The following RBFOX1 variants were observed in gnomAD, a reference collection of about 807,000 sequenced individuals.
RBFOX1 encodes the protein RNA binding fox-1 homolog 1, also known as RNA binding protein fox-1 homolog 1.
Under a neutral mutation model 57.7 loss-of-function variants are expected in RBFOX1, and 8 were observed. The observed-to-expected ratio is 0.14, with a 90% confidence interval of 0.08 to 0.25. The LOEUF (loss-of-function observed/expected upper bound fraction) is 0.25, where lower values mean the gene tolerates loss of function less well. Among genes scored for constraint, RBFOX1 ranks in the 10% least tolerant of loss-of-function variants. The pLI is 1.00. For missense variants in RBFOX1, 611 were observed against 548.5 expected (o/e 1.11, Z -1.14); for synonymous variants, 326 against 222.4 (o/e 1.47, Z -4.15).
chr16:5,926,713 T>C (rs2058947705), intron 4 of RBFOX1, among the ~76,000 whole-genome samples: 2 of 152,226 alleles, frequency 1.3e-5, no homozygotes, highest in Admixed American at 6.5e-5. Flanking sequence ...TTTTTACCCA[T>C]TGGGTGGATT....
chr16:7,228,054 C>G (rs969714194), intron 4 of RBFOX1, among the ~76,000 whole-genome samples: 2 of 152,086 alleles, frequency 1.3e-5, no homozygotes, highest in Non-Finnish European at 2.9e-5. Context: ...CCGACTTTCT[C>G]CTGATACTGC....
chr16:6,747,091 A>G (rs1272839453), intron 3 of RBFOX1, among the ~76,000 whole-genome samples: 1 of 152,140 alleles, frequency 6.6e-6, no homozygotes, highest in Non-Finnish European at 1.5e-5. Context: ...TCCCTATACC[A>G]TGCCAAATGG....
At chr16:5,762,028 G>T in intron 3 of RBFOX1, among the ~76,000 whole-genome samples, 1 of 152,122 alleles carries the variant, frequency 6.6e-6, no homozygotes. Flanking sequence ...ACTTCTCCGA[G>T]CAGCAATATC....
chr16:5,752,342 C>A (rs577175912), intron 3 of RBFOX1, among the ~76,000 whole-genome samples: 1 of 152,140 alleles, frequency 6.6e-6, no homozygotes, highest in African/African-American at 2.4e-5. Context: ...AGGCTTCATA[C>A]CTGGGTGATG....
At chr16:6,618,321 T>G (rs186521328) in intron 2 of RBFOX1, among the ~76,000 whole-genome samples, 1 of 152,302 alleles carries the variant, frequency 6.6e-6, no homozygotes, top group African/African-American at 2.4e-5. Flanking sequence ...GAACACTTAC[T>G]TAAAACGCAG....
At chr16:7,377,562 G>C (rs1320254097) in intron 4 of RBFOX1, among the ~76,000 whole-genome samples, 1 of 152,132 alleles carries the variant, frequency 6.6e-6, no homozygotes, top group Non-Finnish European at 1.5e-5. Flanking sequence ...TATTTGCAGG[G>C]CAGGAAAAAA....
intron 3 of RBFOX1, among the ~76,000 whole-genome samples, chr16:5,819,870 C>G (rs1191259861): frequency 2.0e-5 from 3 of 152,240 alleles, no homozygotes; most frequent in Non-Finnish European, 4.4e-5. Flanking sequence ...CTTTGTACCT[C>G]AAGTGCCCTG....
At chr16:5,567,143 C>T (rs576888448) in intron 2 of RBFOX1, among the ~76,000 whole-genome samples, 11 of 152,240 alleles carry the variant, frequency 7.2e-5, no homozygotes, top group Admixed American at 2.6e-4. Context: ...TGTGAACAAC[C>T]GAGGGAAACA....
At position 6,858,083 on chromosome 16, in the gene RBFOX1, G is replaced by A. The variant is rs1487084643; in HGVS notation, c.-15-193974G>A. 2.0e-5 allele frequency among the ~76,000 whole-genome samples: 3 copies of A among 152,210 alleles called. No individual in the cohort carries two copies. The East Asian group carries it at 5.8e-4, about 29-fold the overall frequency. On this transcript the variant is annotated intron_variant, in intron 3 of 15. Coordinates refer to ENST00000550418, the MANE Select transcript of RBFOX1 (RefSeq NM_018723.4). ...GCCTTGCTTAAAGTTTTTCATTGAT[G>A]TTTCTCTAACTAGAAATTGGAGTTA...
chr16:7,061,575 A>G (rs2054291229), intron 4 of RBFOX1, among the ~76,000 whole-genome samples: 1 of 152,194 alleles, frequency 6.6e-6, no homozygotes, highest in Admixed American at 6.5e-5. Context: ...AAGACTCAAA[A>G]AAAAGTTCAC....
At chr16:7,081,558 A>T (rs1266680458) in intron 4 of RBFOX1, among the ~76,000 whole-genome samples, 1 of 152,206 alleles carries the variant, frequency 6.6e-6, no homozygotes, top group African/African-American at 2.4e-5. Flanking sequence ...GGGAGTTTTT[A>T]TATGGAGGAC....
At chr16:5,626,880 C>T (rs2048364647) in intron 3 of RBFOX1, among the ~76,000 whole-genome samples, 1 of 152,024 alleles carries the variant, frequency 6.6e-6, no homozygotes, top group Non-Finnish European at 1.5e-5. Flanking sequence ...AAGAATTTTG[C>T]TTAATTGGGT....
intron 11 of RBFOX1, among the ~76,000 whole-genome samples, chr16:7,649,092 C>A (rs116038260): frequency 0.014 from 2,107 of 152,038 alleles, 52 homozygotes; most frequent in African/African-American, 0.048. Context: ...CAGTGCAAAG[C>A]AAAAGGAAGC....
rs187040496 is a variant in RBFOX1 at position 5,848,569 on chromosome 16, G to A, written c.319-18734G>A. Among the ~76,000 whole-genome samples the A allele has an allele frequency of 2.0e-3, 297 of 152,272 alleles. 2 individuals are homozygous for A. The highest frequency in any genetic ancestry group is 3.2e-3 in the Non-Finnish European group (215 of 68,016). On this transcript the variant is annotated intron_variant, in intron 3 of 19. Transcript: ENST00000641259. ...CCAGCACAATCATCCTAATTGTAAC[G>A]GATGAGTAGTGATTGCTCTCAGAAT...
chr16:7,203,080 C>G (rs1602961373), intron 4 of RBFOX1, among the ~76,000 whole-genome samples: 1 of 152,066 alleles, frequency 6.6e-6, no homozygotes, highest in African/African-American at 2.4e-5. Flanking sequence ...GCCACTGCAC[C>G]CAGCCAAAGA....
At chr16:5,551,065 A>T (rs1033527746) in intron 2 of RBFOX1, among the ~76,000 whole-genome samples, 1 of 152,058 alleles carries the variant, frequency 6.6e-6, no homozygotes, top group African/African-American at 2.4e-5. Context: ...GGTCCTAAAT[A>T]CCCACTGCAT....
chr16:6,282,064 A>G (rs756337850), intron 1 of RBFOX1, among the ~76,000 whole-genome samples: 6 of 152,170 alleles, frequency 3.9e-5, no homozygotes, highest in Admixed American at 6.5e-5. Context: ...AAAGAATATT[A>G]TCTCTGTACC....
At chr16:7,093,192 C>G (rs968636058) in intron 4 of RBFOX1, among the ~76,000 whole-genome samples, 1 of 152,212 alleles carries the variant, frequency 6.6e-6, no homozygotes, top group Admixed American at 6.5e-5. Flanking sequence ...AGCACCCATA[C>G]TGGTCACCGT....
At position 5,304,234 on chromosome 16, in the gene RBFOX1, C is replaced by T. The variant is rs540696329; in HGVS notation, c.219+64129C>T. 4.6e-5 allele frequency among the ~76,000 whole-genome samples: 7 copies of T among 152,310 alleles called. No homozygotes were observed. In the East Asian group the frequency reaches 5.8e-4, roughly 13 times the overall value. On this transcript the variant is annotated intron_variant, in intron 1 of 2. Transcript: ENST00000585867. Reference sequence around the variant, plus strand: ...ACATTGCTTTCTGACAGCTCCTGTGCAGTAGAATTTAAAGGCTTAAGTTTT... The same window carrying T: ...ACATTGCTTTCTGACAGCTCCTGTGTAGTAGAATTTAAAGGCTTAAGTTTT...
Sources: allele counts gnomAD v4.1 joint callset (sites outside exome capture counted in the v4.1 genomes callset), GRCh38; gene constraint gnomAD v4.1.1; transcripts MANE v1.5; gene names NCBI Gene and HGNC (gene_info 2026-07-23, HGNC 2026-07-21).